MLLT3: variants seen among roughly 807,000 people sequenced by gnomAD.
MLLT3 encodes the protein protein AF-9.
Under a neutral mutation model 53.2 loss-of-function variants are expected in MLLT3, and 4 were observed. The observed-to-expected ratio is 0.08, with a 90% CI of 0.04 to 0.17. The LOEUF (loss-of-function observed/expected upper bound fraction) is 0.17, where lower values mean the gene tolerates loss of function less well. MLLT3 is among the 10% of genes least tolerant of loss of function. The probability of loss-of-function intolerance (pLI) is 1.00; values close to 1 mark genes in which losing one functional copy is unlikely to be tolerated. For synonymous variants in MLLT3, 283 were observed against 230.6 expected, an observed-to-expected ratio of 1.23 and a Z score of -2.06; for missense variants, 569 against 684.0, an observed-to-expected ratio of 0.83 and a Z score of 1.87.
intron 4 of MLLT3, among the ~76,000 whole-genome samples, chr9:20,440,123 T>G (rs1823507523): frequency 6.6e-6 from 1 of 152,222 alleles, no homozygotes; most frequent in Non-Finnish European, 1.5e-5. Context: ...ATGTACCAGA[T>G]AGCATTTAAT....
intron 2 of MLLT3, among the ~76,000 whole-genome samples, chr9:20,609,142 T>C (rs1820639876): frequency 6.6e-6 from 1 of 152,104 alleles, no homozygotes; most frequent in Admixed American, 6.6e-5. Flanking sequence ...TGCATTTGTG[T>C]ATTTTTGGAT....
intron 2 of MLLT3, chr9:20,532,847 G>A: frequency 3.9e-6 from 1 of 254,384 alleles, no homozygotes; most frequent in Non-Finnish European, 7.6e-6. Flanking sequence ...TGCTTAAGCT[G>A]GACCACAAGT....
intron 2 of MLLT3, among the ~76,000 whole-genome samples, chr9:20,605,828 G>A (rs1214244447): frequency 6.6e-6 from 1 of 151,992 alleles, no homozygotes; most frequent in Non-Finnish European, 1.5e-5. Flanking sequence ...ACCATCTTAA[G>A]TAGAAGAAAT....
intron 5 of MLLT3, among the ~76,000 whole-genome samples, chr9:20,373,806 T>C (rs1057347649): frequency 1.1e-4 from 16 of 152,044 alleles, no homozygotes; most frequent in Non-Finnish European, 2.2e-4. Flanking sequence ...TTCACAAATA[T>C]CCAGAAAGAC....
chr9:20,443,559 C>T (rs572416969), intron 4 of MLLT3, among the ~76,000 whole-genome samples: 3 of 152,094 alleles, frequency 2.0e-5, no homozygotes, highest in Admixed American at 2.0e-4. Context: ...AGGAAGAAAC[C>T]ACGGGCTAAT....
At chr9:20,565,776 T>C (rs1449285477) in intron 2 of MLLT3, among the ~76,000 whole-genome samples, 1 of 150,724 alleles carries the variant, frequency 6.6e-6, no homozygotes, top group African/African-American at 2.4e-5. Flanking sequence ...AGACCTAGAC[T>C]AGATAAGCTA....
intron 4 of MLLT3, among the ~76,000 whole-genome samples, chr9:20,433,355 T>C (rs775416507): frequency 1.3e-5 from 2 of 152,144 alleles, no homozygotes; most frequent in Non-Finnish European, 2.9e-5. Flanking sequence ...TTATAACCCA[T>C]TGAAAAAATA....
rs1036694256 is a variant in MLLT3, at chr9:20,579,455, G to A, written c.193+41199C>T. Among the ~76,000 whole-genome samples the A allele has an allele frequency of 4.6e-5, 7 of 151,916 alleles. No homozygotes were observed. The East Asian group carries it at 7.7e-4, about 17-fold the overall frequency. On this transcript the variant is annotated intron_variant, in intron 2 of 10. Transcript: ENST00000380338. The stretch of plus-strand genomic sequence containing the variant: ...AAGAACAAAACAACTTGGTATCATC[G>A]AGAAACAAGAGGAAATGTCCTTCTA...
intron 2 of MLLT3, among the ~76,000 whole-genome samples, chr9:20,514,758 G>C (rs1020106926): frequency 6.6e-6 from 1 of 152,008 alleles, no homozygotes; most frequent in African/African-American, 2.4e-5. Flanking sequence ...GTCGTTTGAG[G>C]AAATCATTAT....
At chr9:20,487,730 A>G (rs1040073061) in intron 2 of MLLT3, among the ~76,000 whole-genome samples, 21 of 152,180 alleles carry the variant, frequency 1.4e-4, no homozygotes, top group African/African-American at 4.3e-4. Flanking sequence ...AGACATATTT[A>G]TGTCAAAAAT....
intron 2 of MLLT3, among the ~76,000 whole-genome samples, chr9:20,461,533 A>C (rs1011115435): frequency 2.0e-5 from 3 of 152,144 alleles, no homozygotes; most frequent in Non-Finnish European, 4.4e-5. Context: ...CAGAGAAATA[A>C]ATGCTCTGTA....
rs186911036 is a variant in MLLT3 at position 20,347,873 on chromosome 9, C to T, written c.1576-1299G>A. Among the ~76,000 whole-genome samples, 426 of 152,258 alleles carry T rather than the reference C, an allele frequency of 2.8e-3. 1 individual carries two copies. Among genetic ancestry groups the T allele is most frequent in the Admixed American group, 4.4e-3 (68 of 15,292 alleles). On this transcript the variant is annotated intron_variant, in intron 10 of 10. Coordinates refer to ENST00000380338, the MANE Select transcript of MLLT3 (RefSeq NM_004529.4). ...ATTTATTTAATGAAGTTTTAGATTA[C>T]CTAATGCCACGCTGAGTAACAGCAG...
chr9:20,404,642 G>A (rs1341783785), intron 5 of MLLT3, among the ~76,000 whole-genome samples: 1 of 152,156 alleles, frequency 6.6e-6, no homozygotes, highest in Non-Finnish European at 1.5e-5. Flanking sequence ...GTGGCTAGGA[G>A]TACAGGCGTG....
At chr9:20,595,071 G>A (rs769624703) in intron 2 of MLLT3, among the ~76,000 whole-genome samples, 25 of 152,038 alleles carry the variant, frequency 1.6e-4, no homozygotes, top group Middle Eastern at 3.2e-3. Flanking sequence ...CTGGGCATGG[G>A]GGTTGCAGGG....
intron 5 of MLLT3, among the ~76,000 whole-genome samples, chr9:20,397,648 A>G (rs1004851010): frequency 2.0e-5 from 3 of 152,168 alleles, no homozygotes; most frequent in Non-Finnish European, 4.4e-5. Flanking sequence ...AGGGTGTCTT[A>G]ATAAGGTTTC....
intron 8 of MLLT3, among the ~76,000 whole-genome samples, chr9:20,359,032 C>T (rs1419559131): frequency 1.3e-5 from 2 of 151,080 alleles, no homozygotes; most frequent in African/African-American, 4.9e-5. Flanking sequence ...GTAGTCCCAG[C>T]TACTCGCGGG....
intron 5 of MLLT3, among the ~76,000 whole-genome samples, chr9:20,370,368 T>G (rs1821567651): frequency 6.6e-6 from 1 of 152,154 alleles, no homozygotes; most frequent in Non-Finnish European, 1.5e-5. Context: ...GTTGTGTATC[T>G]CTAACTGCTC....
At chr9:20,510,223 GA>G (rs1381106929) in intron 2 of MLLT3, among the ~76,000 whole-genome samples, 1 of 151,832 alleles carries the variant, frequency 6.6e-6, no homozygotes, top group East Asian at 1.9e-4. Context: ...ATCCAAGAAG[GA>G]AAAAAATGAG....
chr9:20,536,129 G>C (rs1484100948), intron 2 of MLLT3, among the ~76,000 whole-genome samples: 2 of 152,040 alleles, frequency 1.3e-5, no homozygotes, highest in Admixed American at 6.6e-5. Context: ...TCTATGCTTT[G>C]TCATTAATTC....
Sources: allele counts gnomAD v4.1 joint callset (sites outside exome capture counted in the v4.1 genomes callset), GRCh38; gene constraint gnomAD v4.1.1; transcripts MANE v1.5; gene names NCBI Gene and HGNC (gene_info 2026-07-23, HGNC 2026-07-21).